Variants in GRXCR1 observed in about 807,000 individuals in gnomAD.
The protein encoded by GRXCR1 is glutaredoxin and cysteine rich domain containing 1.
A neutral mutation model predicts 27.3 loss-of-function variants in GRXCR1; 27 were observed. The ratio of observed to expected loss-of-function variants is 0.99; its 90% CI spans 0.73 to 1.37. The LOEUF (loss-of-function observed/expected upper bound fraction) is 1.37. Ranked by LOEUF, GRXCR1 falls within the 40% of genes most tolerant of loss-of-function variation. The pLI is 0.00. For synonymous variants in GRXCR1, 122 were observed against 131.1 expected (o/e 0.93, Z 0.47); for missense variants, 379 against 354.4 (o/e 1.07, Z -0.56).
intron 1 of GRXCR1, among the ~76,000 whole-genome samples, chr4:42,923,213 T>C (rs1361205064): frequency 6.6e-6 from 1 of 152,080 alleles, no homozygotes; most frequent in African/African-American, 2.4e-5. Flanking sequence ...AACTGCCTAC[T>C]CAATGGTCCT....
At chr4:42,965,994 C>T (rs1368540416) in intron 2 of GRXCR1, among the ~76,000 whole-genome samples, 4 of 151,858 alleles carry the variant, frequency 2.6e-5, no homozygotes, top group African/African-American at 9.7e-5. Flanking sequence ...CCTGATGACT[C>T]TCTTCCCCAA....
intron 1 of GRXCR1, among the ~76,000 whole-genome samples, chr4:42,895,052 C>G (rs1746316741): frequency 1.3e-5 from 2 of 151,920 alleles, no homozygotes; most frequent in Non-Finnish European, 2.9e-5. Context: ...ATTCAAATCT[C>G]CCCCCAAATT....
intron 2 of GRXCR1, among the ~76,000 whole-genome samples, chr4:42,981,089 T>C (rs896663699): frequency 9.9e-5 from 15 of 151,828 alleles, no homozygotes; most frequent in African/African-American, 1.4e-4. Flanking sequence ...ATTTTATAGA[T>C]CTTTTCTCTC....
intron 2 of GRXCR1, among the ~76,000 whole-genome samples, chr4:42,973,435 C>G (rs1320625927): frequency 6.6e-6 from 1 of 151,860 alleles, no homozygotes; most frequent in Non-Finnish European, 1.5e-5. Context: ...CAGCTCTAAT[C>G]TTGTAAAGTC....
intron 2 of GRXCR1, among the ~76,000 whole-genome samples, chr4:42,980,591 A>T (rs1235953492): frequency 1.3e-5 from 2 of 152,076 alleles, no homozygotes; most frequent in Non-Finnish European, 1.5e-5. Flanking sequence ...TTCCATGTGC[A>T]GTTGAAGAAT....
At chr4:42,905,455 C>T (rs796791994) in intron 1 of GRXCR1, among the ~76,000 whole-genome samples, 75 of 152,320 alleles carry the variant, frequency 4.9e-4, no homozygotes, top group African/African-American at 1.5e-3. Flanking sequence ...ATGAGCCACA[C>T]GGTGGACTGC....
intron 2 of GRXCR1, among the ~76,000 whole-genome samples, chr4:42,988,902 A>T (rs1176290120): frequency 1.3e-5 from 2 of 152,220 alleles, no homozygotes; most frequent in African/African-American, 4.8e-5. Context: ...TCTTGGAGCA[A>T]GTAAAATTTC....
intron 1 of GRXCR1, among the ~76,000 whole-genome samples, chr4:42,955,932 G>A (rs115509425): frequency 9.4e-4 from 143 of 152,160 alleles, no homozygotes; most frequent in African/African-American, 3.3e-3. Flanking sequence ...ATCTTCTGTG[G>A]GGGATGGGTG....
At chr4:42,986,996 A>ATG (rs1160821665) in intron 2 of GRXCR1, among the ~76,000 whole-genome samples, 76 of 113,086 alleles carry the variant, frequency 6.7e-4, no homozygotes, top group African/African-American at 2.6e-3. Context: ...TTTAAGAGAT[A>ATG]TGTGTATGTG....
chr4:42,988,646 T>C (rs1377344820), intron 2 of GRXCR1, among the ~76,000 whole-genome samples: 1 of 152,190 alleles, frequency 6.6e-6, no homozygotes, highest in Admixed American at 6.5e-5. Flanking sequence ...TTAAATAATT[T>C]AGTATTTTGA....
chr4:42,967,844 G>T (rs1462648935), intron 2 of GRXCR1, among the ~76,000 whole-genome samples: 1 of 152,076 alleles, frequency 6.6e-6, no homozygotes, highest in East Asian at 1.9e-4. Context: ...TTGGTCTAAA[G>T]CTAACTGTTT....
At chr4:42,937,938 T>G (rs1472714708) in intron 1 of GRXCR1, among the ~76,000 whole-genome samples, 1 of 151,950 alleles carries the variant, frequency 6.6e-6, no homozygotes, top group African/African-American at 2.4e-5. Flanking sequence ...TCAATTGAAT[T>G]CTCTAAGTTA....
In GRXCR1 at chr4:42,918,820, T is replaced by G. The variant is rs767176832; in HGVS notation, c.384+25170T>G. On this transcript the variant is annotated intron_variant, in intron 1 of 3. Coordinates refer to ENST00000399770, the MANE Select transcript of GRXCR1 (RefSeq NM_001080476.3). Reference sequence around the variant, plus strand: ...TGGACAGGATAAATTCACTCTATCCTGTAGATAGAAGAGCTCCTTTGATCT... The same window carrying G: ...TGGACAGGATAAATTCACTCTATCCGGTAGATAGAAGAGCTCCTTTGATCT... Among the ~76,000 whole-genome samples, 37 of 152,242 alleles carry G rather than the reference T, an allele frequency of 2.4e-4. No individual in the cohort carries two copies. The Middle Eastern group carries it at 0.01, about 42-fold the overall frequency.
chr4:43,029,877 A>G (rs1305913826), intron 3 of GRXCR1, among the ~76,000 whole-genome samples: 1 of 152,234 alleles, frequency 6.6e-6, no homozygotes, highest in Non-Finnish European at 1.5e-5. Flanking sequence ...AATGTACAAT[A>G]TAATTAGTAA....
chr4:42,972,071 A>T (rs1200023439), intron 2 of GRXCR1, among the ~76,000 whole-genome samples: 1 of 152,022 alleles, frequency 6.6e-6, no homozygotes, highest in Non-Finnish European at 1.5e-5. Flanking sequence ...TAATTTTTAA[A>T]TTTTTTGTAG....
intron 1 of GRXCR1, among the ~76,000 whole-genome samples, chr4:42,931,790 A>G (rs1747316894): frequency 6.6e-6 from 1 of 151,980 alleles, no homozygotes; most frequent in African/African-American, 2.4e-5. Context: ...CCTTGTTATC[A>G]ACTATAGTCA....
chr4:42,895,607 C>A (rs1746329904), intron 1 of GRXCR1, among the ~76,000 whole-genome samples: 1 of 152,074 alleles, frequency 6.6e-6, no homozygotes, highest in Non-Finnish European at 1.5e-5. Flanking sequence ...TGCATTATTG[C>A]CCAAGGAGCT....
rs552223200 is a variant in GRXCR1 at position 43,020,578 on chromosome 4, T to A, written c.693+159T>A. Among the ~76,000 whole-genome samples the A allele has an allele frequency of 2.3e-4, 35 of 152,300 alleles. 1 individual carries two copies. In the East Asian group the frequency reaches 6.7e-3, roughly 29 times the overall value. On this transcript the variant is annotated intron_variant, in intron 3 of 3. Transcript: ENST00000399770. ...TAATTTGATATCTTCTGTTATTAGG[T>A]TTGTTGCAGCTAGAGTGACTTTAAT...
intron 1 of GRXCR1, among the ~76,000 whole-genome samples, chr4:42,938,284 G>A (rs1489763172): frequency 6.6e-6 from 1 of 151,958 alleles, no homozygotes; most frequent in African/African-American, 2.4e-5. Flanking sequence ...TTAGTGACTA[G>A]TACTCCATTG....
Sources: gnomAD v4.1 joint callset for allele counts (sites outside exome capture counted in the v4.1 genomes callset) on GRCh38, gnomAD v4.1.1 for gene constraint, MANE v1.5 for transcripts, NCBI Gene and HGNC (gene_info 2026-07-23, HGNC 2026-07-21) for gene names.